CTDSP2: variants seen among roughly 807,000 people sequenced by gnomAD.
CTDSP2 encodes the protein carboxy-terminal domain RNA polymerase II polypeptide A small phosphatase 2.
CTDSP2 carries 9 observed loss-of-function variants against 31.6 expected under a neutral mutation model. The observed-to-expected ratio is 0.28, with a 90% CI of 0.17 to 0.50. The LOEUF (loss-of-function observed/expected upper bound fraction) is 0.50. CTDSP2 is among the 20% of genes least tolerant of loss of function. The probability of loss-of-function intolerance (pLI) is 0.98; values close to 1 mark genes in which losing one functional copy is unlikely to be tolerated. For synonymous variants in CTDSP2, 134 were observed against 134.5 expected, an observed-to-expected ratio of 1.00 and a Z score of 0.03; for missense variants, 267 against 348.5, an observed-to-expected ratio of 0.77 and a Z score of 1.86.
chr12:57,823,901 C>T lies in CTDSP2; in HGVS notation c.690+3G>A, dbSNP rs1261033690. On this transcript the variant is annotated splice_donor_region_variant and intron_variant, in intron 7 of 7. Transcript: ENST00000398073. ...ACCGTGGAGACGCATCAGGAGCACT[C>T]ACTGCATTCTCGGGGTGGAATATGT... 4 of 1,613,950 alleles carry T rather than the reference C, an allele frequency of 2.5e-6. No homozygotes were observed. The highest frequency in any genetic ancestry group is 4.5e-5 in the East Asian group (2 of 44,882).
chr12:57,823,836 T>G, intron 7 of CTDSP2, 68 bp downstream of exon 7: 1 of 1,608,114 alleles, frequency 6.2e-7, no homozygotes, highest in Non-Finnish European at 8.5e-7. Flanking sequence ...ACTTCTCTGG[T>G]GGAGCCCACA....
At chr12:57,824,569 A>C in intron 5 of CTDSP2, 3 of 652,024 alleles carry the variant, frequency 4.6e-6, no homozygotes, top group East Asian at 6.6e-5. Context: ...CGCACACACC[A>C]TGTCCCAGGA....
rs945813566 is a variant in CTDSP2, at chr12:57,821,790, A to ACTC, written c.*1809_*1811dup. The ACTC allele has an allele frequency of 4.6e-5, 7 of 152,008 alleles. No homozygotes were observed. The highest frequency in any genetic ancestry group is 1.7e-4 in the African/African-American group (7 of 41,358). 9.4% of individuals were successfully genotyped at this position (152,008 alleles called of 1,614,324 possible). A position where few individuals can be genotyped will look rare whatever the true frequency, so the allele number is the denominator to read the frequency against. On this transcript the variant is annotated 3_prime_UTR_variant, in exon 8 of 8. Coordinates refer to ENST00000398073, the MANE Select transcript of CTDSP2 (RefSeq NM_005730.4). Reference sequence around the variant, plus strand: ...GGAAATGGCCACATGAGTTCTGGGGACTCTGTTCCACTTTATGATTCCAAA... The same window carrying ACTC: ...GGAAATGGCCACATGAGTTCTGGGGACTCCTCTGTTCCACTTTATGATTCCAAA...
At position 57,820,268 on chromosome 12, in the gene CTDSP2, T is replaced by G. The variant is rs1454887397; in HGVS notation, c.*3334A>C. The G allele has an allele frequency of 2.0e-5, 3 of 152,164 alleles. No individual in the cohort carries two copies. The highest frequency in any genetic ancestry group is 6.5e-5 in the Admixed American group (1 of 15,276). 9.4% of individuals were successfully genotyped at this position (152,164 alleles called of 1,614,324 possible). On this transcript the variant is annotated 3_prime_UTR_variant, in exon 8 of 8. Coordinates refer to ENST00000398073, the MANE Select transcript of CTDSP2 (RefSeq NM_005730.4). ...GGGGCAGCTGGCCCGACCTCTGGCC[T>G]CCTCTTCCCTGGCTGAATGTAAATA...
At chr12:57,827,413 G>A in intron 3 of CTDSP2, 139 bp downstream of exon 3, 2 of 897,826 alleles carry the variant, frequency 2.2e-6, no homozygotes, top group Admixed American at 2.0e-5. Context: ...CCCTCAACAA[G>A]TATGGGGAAC....
chr12:57,831,129 G>A (rs1363366860), intron 1 of CTDSP2, among the ~76,000 whole-genome samples: 1 of 146,308 alleles, frequency 6.8e-6, no homozygotes, highest in Admixed American at 6.8e-5. Flanking sequence ...AAAAAATTAT[G>A]AGCATTACAG....
chr12:57,824,461 G>A (rs905826396), intron 5 of CTDSP2, 142 bp from the exon 6 acceptor site: 22 of 703,096 alleles, frequency 3.1e-5, no homozygotes, highest in African/African-American at 1.8e-4. Context: ...GGAAGCCTGC[G>A]GCCCCCTGAG....
chr12:57,821,594 G>T lies in CTDSP2; in HGVS notation c.*2008C>A, dbSNP rs1176785183. ...GGGGCTTGGAAGAGAGGCCCCTCCT[G>T]CAATATTAGGATAGCAGCCTAGGTC... On this transcript the variant is annotated 3_prime_UTR_variant, in exon 8 of 8. Coordinates refer to ENST00000398073, the MANE Select transcript of CTDSP2 (RefSeq NM_005730.4). 2 of 152,476 alleles carry T rather than the reference G, an allele frequency of 1.3e-5. No individual in the cohort carries two copies. Among genetic ancestry groups the T allele is most frequent in the Admixed American group, 6.5e-5 (1 of 15,290 alleles). The allele number at this position is 152,476 out of a possible 1,614,324, so 9.4% of individuals were successfully genotyped here.
intron 1 of CTDSP2, among the ~76,000 whole-genome samples, chr12:57,845,042 G>A (rs568533104): frequency 8.9e-4 from 136 of 152,312 alleles, no homozygotes; most frequent in Non-Finnish European, 1.6e-3. Flanking sequence ...GTGACCTGCT[G>A]ACTAATGTTG....
At chr12:57,838,132 C>T (rs1271333334) in intron 1 of CTDSP2, among the ~76,000 whole-genome samples, 1 of 152,142 alleles carries the variant, frequency 6.6e-6, no homozygotes, top group Non-Finnish European at 1.5e-5. Context: ...TTGGGGTGGG[C>T]CTCCATAAGT....
At chr12:57,839,307 T>C (rs928883229) in intron 1 of CTDSP2, among the ~76,000 whole-genome samples, 1 of 152,178 alleles carries the variant, frequency 6.6e-6, no homozygotes. Flanking sequence ...AGGGCACAAT[T>C]CTCTGGGGTT....
chr12:57,826,316 G>A (rs761145333), intron 5 of CTDSP2, 30 bp downstream of exon 5: 2 of 1,607,998 alleles, frequency 1.2e-6, no homozygotes, highest in Non-Finnish European at 8.5e-7. Context: ...CCCACCCTCT[G>A]GGCTGGGTGT....
rs1388871649 is a variant in CTDSP2, at chr12:57,822,005, G to C, written c.*1597C>G. 1.3e-5 allele frequency: 2 copies of C among 152,238 alleles called. No individual in the cohort carries two copies. The highest frequency in any genetic ancestry group is 4.8e-5 in the African/African-American group (2 of 41,434). 9.4% of individuals were successfully genotyped at this position (152,238 alleles called of 1,614,324 possible). A position where few individuals can be genotyped will look rare whatever the true frequency, so the allele number is the denominator to read the frequency against. Reference sequence around the variant, plus strand: ...GGAAGGGATGATGGGGAAGAGTCCTGAGTGGGTGGTGTCCCTGCACCTAAA... The same window carrying C: ...GGAAGGGATGATGGGGAAGAGTCCTCAGTGGGTGGTGTCCCTGCACCTAAA... On this transcript the variant is annotated 3_prime_UTR_variant, in exon 8 of 8. Coordinates refer to ENST00000398073, the MANE Select transcript of CTDSP2 (RefSeq NM_005730.4).
At position 57,823,430 on chromosome 12, in the gene CTDSP2, TGGCATTCGCCCACTC is replaced by T; in HGVS notation, c.*157_*171del. 1 of 679,330 alleles carries T rather than the reference TGGCATTCGCCCACTC, an allele frequency of 1.5e-6. No homozygotes were observed. The highest frequency in any genetic ancestry group is 2.5e-6 in the Non-Finnish European group (1 of 406,490). 42.1% of individuals were successfully genotyped at this position (679,330 alleles called of 1,614,324 possible). A position where few individuals can be genotyped will look rare whatever the true frequency, so the allele number is the denominator to read the frequency against. On this transcript the variant is annotated 3_prime_UTR_variant, in exon 8 of 8. Transcript: ENST00000398073. ...CAGGTAGCTCTGGGTATCATTGGTC[TGGCATTCGCCCACTC>T]GGCATCTAAGCTGTCCTAAAGCTCT...
chr12:57,843,251 A>G (rs1311425311), intron 1 of CTDSP2, among the ~76,000 whole-genome samples: 1 of 151,872 alleles, frequency 6.6e-6, no homozygotes, highest in Non-Finnish European at 1.5e-5. Context: ...CAAGGTCACA[A>G]CCTCTTAGCA....
intron 1 of CTDSP2, among the ~76,000 whole-genome samples, chr12:57,830,504 G>C (rs190839856): frequency 1.3e-5 from 2 of 152,246 alleles, no homozygotes; most frequent in African/African-American, 4.8e-5. Flanking sequence ...CCAGCCCCAA[G>C]GAAGAAACTA....
intron 1 of CTDSP2, among the ~76,000 whole-genome samples, chr12:57,834,939 A>G (rs1956238235): frequency 6.6e-6 from 1 of 152,218 alleles, no homozygotes; most frequent in Non-Finnish European, 1.5e-5. Context: ...CCTGACCAAC[A>G]TGGAGAAACC....
intron 4 of CTDSP2, 32 bp downstream of exon 4, chr12:57,826,963 TA>T: frequency 6.6e-7 from 1 of 1,511,098 alleles, no homozygotes. Context: ...AGGCCCAAGA[TA>T]AAGGTAGGAA....
At chr12:57,827,510 G>A in intron 3 of CTDSP2, 42 bp downstream of exon 3, 1 of 1,609,994 alleles carries the variant, frequency 6.2e-7, no homozygotes, top group African/African-American at 1.3e-5. Context: ...AGGGATCACA[G>A]GATCCTGGCT....
Sources: allele counts gnomAD v4.1 joint callset (sites outside exome capture counted in the v4.1 genomes callset), GRCh38; gene constraint gnomAD v4.1.1; transcripts MANE v1.5; gene names NCBI Gene and HGNC (gene_info 2026-07-23, HGNC 2026-07-21).